The following PRCP variants were observed in gnomAD, a reference collection of about 807,000 sequenced individuals.
PRCP encodes the protein prolylcarboxypeptidase.
PRCP carries 46 observed loss-of-function variants against 54.2 expected under a neutral mutation model. The observed-to-expected ratio is 0.85, with a 90% CI of 0.67 to 1.09. The LOEUF is 1.09. PRCP is among the 50% of genes least tolerant of loss of function. The probability of loss-of-function intolerance (pLI) is 0.00; values close to 1 mark genes in which losing one functional copy is unlikely to be tolerated. For missense variants in PRCP, 613 were observed against 596.8 expected, an observed-to-expected ratio of 1.03 and a Z score of -0.28; for synonymous variants, 240 against 212.2, an observed-to-expected ratio of 1.13 and a Z score of -1.14.
chr11:82,831,252 A>G (rs1858374931), intron 8 of PRCP: 1 of 151,326 alleles, frequency 6.6e-6, no homozygotes, highest in Non-Finnish European at 1.5e-5. Flanking sequence ...AATAATGCCT[A>G]CAAGTTGGGA....
In PRCP at chr11:82,877,649, C is replaced by A. The variant is rs374814031; in HGVS notation, c.169-17532G>T. ...GTTGAGCCTGCAGGTGCACAGAAGT[C>A]AAGAATTGAGGTTTGGGATCCTCTG... On this transcript the variant is annotated intron_variant, in intron 1 of 8. Transcript: ENST00000313010. Among the ~76,000 whole-genome samples, 18 of 152,340 alleles carry A rather than the reference C, an allele frequency of 1.2e-4. No individual in the cohort carries two copies. The South Asian group carries it at 2.1e-3, about 18-fold the overall frequency.
At chr11:82,889,012 G>A (rs1478437461) in intron 1 of PRCP, among the ~76,000 whole-genome samples, 1 of 121,952 alleles carries the variant, frequency 8.2e-6, no homozygotes, top group Non-Finnish European at 1.6e-5. Flanking sequence ...AATAAGACAT[G>A]TGCCATAAAA....
chr11:82,856,489 G>A (rs942844404), intron 2 of PRCP, among the ~76,000 whole-genome samples: 3 of 152,184 alleles, frequency 2.0e-5, no homozygotes, highest in Non-Finnish European at 4.4e-5. Context: ...GACACAAAGA[G>A]GGGAACAATA....
At chr11:82,864,925 T>A (rs1029789953) in intron 1 of PRCP, among the ~76,000 whole-genome samples, 8 of 152,046 alleles carry the variant, frequency 5.3e-5, no homozygotes, top group Non-Finnish European at 8.8e-5. Context: ...GAAAAATCAG[T>A]AGCAACATTA....
intron 7 of PRCP, 91 bp downstream of exon 7, chr11:82,839,170 G>A (rs1026240157): frequency 1.5e-6 from 2 of 1,371,364 alleles, no homozygotes; most frequent in Admixed American, 2.2e-5. Flanking sequence ...TCCAGGTTAG[G>A]TGACAAAATC....
At chr11:82,835,542 A>G (rs1285206802) in intron 8 of PRCP, 2 of 289,544 alleles carry the variant, frequency 6.9e-6, no homozygotes, top group East Asian at 1.1e-4. Context: ...TGGTCCTACT[A>G]TGAGCAAGAA....
chr11:82,900,597 G>A (rs1050801217), upstream of PRCP: 15 of 741,454 alleles, frequency 2.0e-5, no homozygotes, highest in African/African-American at 2.1e-4. Context: ...CCATCCCCGA[G>A]GACACCGCCT....
chr11:82,878,491 C>T (rs747773042), intron 1 of PRCP, among the ~76,000 whole-genome samples: 41 of 152,224 alleles, frequency 2.7e-4, no homozygotes, highest in Non-Finnish European at 3.8e-4. Context: ...TCATGGGGGT[C>T]GTTCCCATGC....
chr11:82,842,003 G>A (rs1377128594), intron 6 of PRCP, among the ~76,000 whole-genome samples: 1 of 152,172 alleles, frequency 6.6e-6, no homozygotes, highest in African/African-American at 2.4e-5. Context: ...AGCGCCTTAT[G>A]TTCAAGGACA....
intron 1 of PRCP, among the ~76,000 whole-genome samples, chr11:82,894,086 C>T (rs1860063286): frequency 6.6e-6 from 1 of 151,970 alleles, no homozygotes; most frequent in Admixed American, 6.5e-5. Flanking sequence ...CATATCCTGT[C>T]AGAACCATAT....
rs1040130024 is a variant in PRCP at position 82,855,346 on chromosome 11, T to C, written c.310-2068A>G. On this transcript the variant is annotated intron_variant, in intron 2 of 8. Coordinates refer to ENST00000313010, the MANE Select transcript of PRCP (RefSeq NM_005040.4). ...AAATTTACAAGAAAAGGGCCGGGCATGGTGGCTCACGCCTGTAATCCCAGC... is the reference window on the plus strand; with the variant it reads ...AAATTTACAAGAAAAGGGCCGGGCACGGTGGCTCACGCCTGTAATCCCAGC... Among the ~76,000 whole-genome samples, 5 of 152,248 alleles carry C rather than the reference T, an allele frequency of 3.3e-5. No individual in the cohort carries two copies. The East Asian group carries it at 9.7e-4, about 29-fold the overall frequency.
chr11:82,835,895 C>G (rs952060018), intron 8 of PRCP: 8 of 442,006 alleles, frequency 1.8e-5, no homozygotes, highest in African/African-American at 1.4e-4. Context: ...GGATGGAATA[C>G]TAAAGACACA....
Position 82,846,427 on chromosome 11 carries a change from A to T in PRCP, c.921+2622T>A, listed in dbSNP as rs1591045618. On this transcript the variant is annotated intron_variant, in intron 6 of 8. Transcript: ENST00000313010. ...TGAAATTGGAAACAGAGGCAATGGA[A>T]TTTCTCAAGCAGGGGGCAAGAGATA... Among the ~76,000 whole-genome samples the T allele has an allele frequency of 2.6e-5, 4 of 152,120 alleles. No homozygotes were observed. In the South Asian group the frequency reaches 8.3e-4, roughly 32 times the overall value.
At chr11:82,882,621 A>G (rs1158369504) in intron 1 of PRCP, among the ~76,000 whole-genome samples, 5 of 146,178 alleles carry the variant, frequency 3.4e-5, no homozygotes, top group East Asian at 2.0e-4. Flanking sequence ...TCAGCCTCCC[A>G]AGTAGCTGGG....
chr11:82,896,685 A>C (rs1251886182), intron 1 of PRCP, among the ~76,000 whole-genome samples: 1 of 150,514 alleles, frequency 6.6e-6, no homozygotes, highest in Non-Finnish European at 1.5e-5. Context: ...ACTCAAAAAA[A>C]AAAAAAAAAA....
intron 6 of PRCP, among the ~76,000 whole-genome samples, chr11:82,844,301 T>A (rs1298624418): frequency 6.6e-6 from 1 of 152,080 alleles, no homozygotes; most frequent in Non-Finnish European, 1.5e-5. Context: ...CAGACTCTAG[T>A]AATCCCAGTT....
At chr11:82,850,665 G>T (rs1591048863) in intron 3 of PRCP, among the ~76,000 whole-genome samples, 160 bp from the exon 4 acceptor site, 1 of 152,308 alleles carries the variant, frequency 6.6e-6, no homozygotes. Flanking sequence ...TAACTGTGTG[G>T]ATTCAAACTC....
chr11:82,871,092 A>G (rs76004525), intron 1 of PRCP, among the ~76,000 whole-genome samples: 10,333 of 152,120 alleles, frequency 0.068, 761 homozygotes, highest in African/African-American at 0.18. Flanking sequence ...AAGGCCTTGA[A>G]AGTTTATATT....
chr11:82,869,355 CAAA>C (rs36024787), intron 1 of PRCP, among the ~76,000 whole-genome samples: 3 of 80,464 alleles, frequency 3.7e-5, no homozygotes, highest in Non-Finnish European at 4.8e-5. Flanking sequence ...GACTCCATCT[CAAA>C]AAAAAAAAAA....
Sources: allele counts gnomAD v4.1 joint callset (sites outside exome capture counted in the v4.1 genomes callset), GRCh38; gene constraint gnomAD v4.1.1; transcripts MANE v1.5; gene names NCBI Gene and HGNC (gene_info 2026-07-23, HGNC 2026-07-21).